DOCK2: variants seen among roughly 807,000 people sequenced by gnomAD.
DOCK2 encodes the protein dedicator of cytokinesis 2.
Under a neutral mutation model 248.9 loss-of-function variants are expected in DOCK2, and 87 were observed. That is an observed-to-expected ratio of 0.35 (90% CI 0.29 to 0.42). The LOEUF (loss-of-function observed/expected upper bound fraction) is 0.42. DOCK2 is among the 10% of genes least tolerant of loss of function. The probability of loss-of-function intolerance (pLI) is 1.00; values close to 1 mark genes in which losing one functional copy is unlikely to be tolerated. For missense variants in DOCK2, 1,747 were observed against 2,300.2 expected (o/e 0.76, Z 4.92); for synonymous variants, 805 against 821.6 (o/e 0.98, Z 0.35).
intron 25 of DOCK2, among the ~76,000 whole-genome samples, chr5:169,801,727 C>G (rs1767000860): frequency 6.6e-6 from 1 of 151,902 alleles, no homozygotes; most frequent in Non-Finnish European, 1.5e-5. Flanking sequence ...GTGGGTGTAG[C>G]TCTTGGGCTG....
intron 25 of DOCK2, among the ~76,000 whole-genome samples, chr5:169,801,755 C>T (rs1158244579): frequency 5.9e-5 from 9 of 151,800 alleles, no homozygotes; most frequent in Admixed American, 5.9e-4. Context: ...AAGAGATGTC[C>T]TCTACCTCTT....
chr5:169,831,200 A>G (rs939817940), intron 26 of DOCK2, among the ~76,000 whole-genome samples: 2 of 112,134 alleles, frequency 1.8e-5, no homozygotes, highest in Non-Finnish European at 3.5e-5. Flanking sequence ...CTTTCTGGAC[A>G]TAGAAAATAA....
intron 25 of DOCK2, among the ~76,000 whole-genome samples, chr5:169,799,730 C>T (rs1766852474): frequency 6.6e-6 from 1 of 152,140 alleles, no homozygotes; most frequent in East Asian, 1.9e-4. Flanking sequence ...TTTTCTCCAA[C>T]TTTCTTCCTT....
At chr5:169,778,875 T>C (rs1322314906) in intron 25 of DOCK2, among the ~76,000 whole-genome samples, 4 of 152,170 alleles carry the variant, frequency 2.6e-5, no homozygotes, top group Admixed American at 6.5e-5. Flanking sequence ...TACCAATCTA[T>C]CTATCTATAT....
intron 6 of DOCK2, among the ~76,000 whole-genome samples, chr5:169,677,487 T>A (rs1280143673): frequency 2.0e-5 from 3 of 152,202 alleles, no homozygotes; most frequent in African/African-American, 7.2e-5. Context: ...AAAGTGTACA[T>A]GGGATGTATG....
At chr5:169,843,538 CAAAT>C (rs1355578988) in intron 27 of DOCK2, among the ~76,000 whole-genome samples, 2 of 152,218 alleles carry the variant, frequency 1.3e-5, no homozygotes, top group South Asian at 2.1e-4. Flanking sequence ...AACAAATAAA[CAAAT>C]AAATAAAAAC....
Position 169,764,593 on chromosome 5 carries a change from C to T in DOCK2, c.2554+2968C>T, listed in dbSNP as rs894658735. Among the ~76,000 whole-genome samples, 1 of 152,198 alleles carries T rather than the reference C, an allele frequency of 6.6e-6. No homozygotes were observed. Among genetic ancestry groups the T allele is most frequent in the Admixed American group, 6.5e-5 (1 of 15,282 alleles). On this transcript the variant is annotated intron_variant, in intron 25 of 51. Transcript: ENST00000520908. This position sits in a 1 kb window ranked among gnomAD's most constrained non-coding sequence, Gnocchi z 4.3. ...TGGATGATGCATTTAAAGTACTTGA[C>T]ACAGCACTGGGCTCAGCATAATGTT... is the stretch of plus-strand genomic sequence containing the variant.
intron 27 of DOCK2, among the ~76,000 whole-genome samples, chr5:169,970,404 G>A (rs996826389): frequency 3.3e-5 from 5 of 152,228 alleles, no homozygotes; most frequent in Non-Finnish European, 7.3e-5. Flanking sequence ...CAGCCCCCTG[G>A]CTGAAATAAG....
Position 170,067,664 on chromosome 5 carries a change from G to A in DOCK2, c.4622G>A (p.Gly1541Glu). ...GGGATTGTGGACCCTGCTGTCATGG[G>A]AGGCTTCGCCAAGTATGAGAAGGTG... ...LNGIVDPAVM[G>E]GFAKYEKAFF... Residue 1541 changes from glycine to glutamate, a missense_variant, in exon 45 of 52, where the codon GGA (glycine) becomes GAA (glutamate). Coordinates refer to ENST00000520908, the MANE Select transcript of DOCK2 (RefSeq NM_004946.3). The A allele has an allele frequency of 6.2e-7, 1 of 1,614,012 alleles. No homozygotes were observed.
intron 36 of DOCK2, among the ~76,000 whole-genome samples, chr5:170,038,109 C>T (rs539574311): frequency 6.6e-6 from 1 of 152,312 alleles, no homozygotes; most frequent in Non-Finnish European, 1.5e-5. Flanking sequence ...TGAAGGACCT[C>T]GGTCCTTGCC....
intron 15 of DOCK2, among the ~76,000 whole-genome samples, chr5:169,711,534 C>A (rs1000459100): frequency 6.6e-6 from 1 of 152,160 alleles, no homozygotes; most frequent in East Asian, 1.9e-4. Flanking sequence ...CCCTAACAAC[C>A]ATTGTTAATT....
chr5:169,902,451 G>A (rs76102396), intron 27 of DOCK2, among the ~76,000 whole-genome samples: 2 of 152,186 alleles, frequency 1.3e-5, no homozygotes, highest in African/African-American at 2.4e-5. Flanking sequence ...TGCTCCAGGG[G>A]TCATGCTCTT....
chr5:169,728,693 G>A (rs1762614213), intron 22 of DOCK2, among the ~76,000 whole-genome samples: 1 of 152,190 alleles, frequency 6.6e-6, no homozygotes, highest in African/African-American at 2.4e-5. Context: ...AGGGGTCAAA[G>A]TTTGAAGTGC....
chr5:169,883,027 C>A (rs1180410255), intron 27 of DOCK2: 2 of 1,551,418 alleles, frequency 1.3e-6, no homozygotes, highest in East Asian at 2.4e-5. Flanking sequence ...TGACAGTGAG[C>A]CAAGGTCTTT....
At chr5:169,754,199 G>A (rs1764066290) in intron 23 of DOCK2, among the ~76,000 whole-genome samples, 1 of 152,164 alleles carries the variant, frequency 6.6e-6, no homozygotes, top group Non-Finnish European at 1.5e-5. Context: ...TCTGAGTTTG[G>A]AGGCATCCTA....
chr5:169,695,456 T>C (rs1254732470), intron 9 of DOCK2: 1 of 203,380 alleles, frequency 4.9e-6, no homozygotes, highest in African/African-American at 2.4e-5. Flanking sequence ...GAGTCATCTG[T>C]AGCAAATGCT....
intron 27 of DOCK2, among the ~76,000 whole-genome samples, chr5:169,909,798 C>A (rs1264525378): frequency 2.0e-5 from 3 of 152,150 alleles, no homozygotes; most frequent in Non-Finnish European, 4.4e-5. Context: ...TTATTATCAT[C>A]CAGATTTGGA....
intron 27 of DOCK2, among the ~76,000 whole-genome samples, chr5:169,876,969 C>T (rs1193520629): frequency 6.6e-6 from 1 of 152,162 alleles, no homozygotes; most frequent in African/African-American, 2.4e-5. Flanking sequence ...AGGAAAGAAA[C>T]TTATAAACAC....
intron 38 of DOCK2, among the ~76,000 whole-genome samples, chr5:170,043,798 C>A (rs777055365): frequency 6.6e-6 from 1 of 152,204 alleles, no homozygotes; most frequent in African/African-American, 2.4e-5. Flanking sequence ...TAAAAGTACA[C>A]GTTGAGCTTT....
Sources: allele counts gnomAD v4.1 joint callset (sites outside exome capture counted in the v4.1 genomes callset), GRCh38; gene constraint gnomAD v4.1.1; non-coding constraint Gnocchi (gnomAD v3.1); transcripts MANE v1.5; gene names NCBI Gene and HGNC (gene_info 2026-07-23, HGNC 2026-07-21).